The following CRPPA variants were observed in gnomAD, a reference collection of about 807,000 sequenced individuals.
CRPPA encodes the protein CDP-L-ribitol pyrophosphorylase A.
In CRPPA, 43 loss-of-function variants were observed where a neutral mutation model predicts 52.0. The ratio of observed to expected loss-of-function variants is 0.83; its 90% CI spans 0.65 to 1.07. CRPPA has a LOEUF of 1.07. Among genes scored for constraint, CRPPA ranks in the 50% least tolerant of loss-of-function variants. The pLI is 0.00. For synonymous variants in CRPPA, 250 were observed against 203.5 expected (o/e 1.23, Z -1.94); for missense variants, 629 against 551.7 (o/e 1.14, Z -1.40).
intron 9 of CRPPA, among the ~76,000 whole-genome samples, chr7:16,196,073 T>C (rs551208013): frequency 1.3e-5 from 2 of 152,182 alleles, no homozygotes; most frequent in African/African-American, 4.8e-5. Flanking sequence ...ATTTTGTACA[T>C]GTATATATGT....
intron 3 of CRPPA, among the ~76,000 whole-genome samples, chr7:16,344,248 A>C (rs1263952014): frequency 6.6e-6 from 1 of 152,006 alleles, no homozygotes; most frequent in Non-Finnish European, 1.5e-5. Flanking sequence ...ACTGTCCTGC[A>C]GAAACCTAGA....
At chr7:16,386,463 G>T (rs1269937013) in intron 2 of CRPPA, among the ~76,000 whole-genome samples, 1 of 152,048 alleles carries the variant, frequency 6.6e-6, no homozygotes, top group Non-Finnish European at 1.5e-5. Context: ...TTGAGGATGG[G>T]GCCTTTGCCA....
chr7:16,196,505 T>C (rs1356991768), intron 9 of CRPPA, among the ~76,000 whole-genome samples: 1 of 152,206 alleles, frequency 6.6e-6, no homozygotes, highest in East Asian at 1.9e-4. Flanking sequence ...GAGGTTATCT[T>C]CGGCTAGGAT....
intron 9 of CRPPA, among the ~76,000 whole-genome samples, chr7:16,101,352 C>T (rs1342933814): frequency 6.6e-6 from 1 of 152,046 alleles, no homozygotes; most frequent in Admixed American, 6.6e-5. Flanking sequence ...AGTGATTCAA[C>T]TACTTCCTGG....
intron 9 of CRPPA, among the ~76,000 whole-genome samples, chr7:16,110,899 C>T (rs1782249235): frequency 6.6e-6 from 1 of 151,820 alleles, no homozygotes; most frequent in Admixed American, 6.6e-5. Flanking sequence ...TCAGATTGGA[C>T]TACATAAGTA....
chr7:16,420,909 A>G (rs1169013330), intron 1 of CRPPA, among the ~76,000 whole-genome samples, 157 bp downstream of exon 1: 1 of 152,056 alleles, frequency 6.6e-6, no homozygotes, highest in Non-Finnish European at 1.5e-5. Context: ...AGAACTTCCC[A>G]TCTCTGAAAT....
chr7:16,122,736 C>T (rs1186945469), intron 9 of CRPPA, among the ~76,000 whole-genome samples: 2 of 152,010 alleles, frequency 1.3e-5, no homozygotes, highest in Non-Finnish European at 2.9e-5. Flanking sequence ...TGCTATTATA[C>T]TCCTTTTTAA....
At chr7:16,399,259 CAT>C (rs1251129822) in intron 2 of CRPPA, among the ~76,000 whole-genome samples, 1 of 152,224 alleles carries the variant, frequency 6.6e-6, no homozygotes, top group Non-Finnish European at 1.5e-5. Context: ...ACAGGTCCAA[CAT>C]GTGACTGACA....
At chr7:16,229,023 G>A (rs1464219568) in intron 8 of CRPPA, among the ~76,000 whole-genome samples, 1 of 151,816 alleles carries the variant, frequency 6.6e-6, no homozygotes, top group Non-Finnish European at 1.5e-5. Flanking sequence ...CTTCTTACTT[G>A]ATCCCTTTGA....
intron 3 of CRPPA, among the ~76,000 whole-genome samples, chr7:16,371,624 G>C (rs1329325347): frequency 6.6e-6 from 1 of 151,266 alleles, no homozygotes; most frequent in Non-Finnish European, 1.5e-5. Context: ...AATCAGAAAA[G>C]TAATTCTGGC....
intron 6 of CRPPA, among the ~76,000 whole-genome samples, chr7:16,268,371 A>C (rs1294823189): frequency 6.6e-6 from 1 of 152,022 alleles, no homozygotes; most frequent in Non-Finnish European, 1.5e-5. Flanking sequence ...TAGTCTTTTA[A>C]AGAATATTCA....
chr7:16,319,669 G>A (rs1159475183), intron 3 of CRPPA, among the ~76,000 whole-genome samples: 10 of 152,124 alleles, frequency 6.6e-5, no homozygotes, highest in Non-Finnish European at 1.3e-4. Context: ...GCCAAGCCAC[G>A]AAGATAGCAG....
rs1164858538 is a variant in CRPPA, at chr7:16,089,396, A to G, written c.*2299T>C. On this transcript the variant is annotated 3_prime_UTR_variant, in exon 10 of 10. Coordinates refer to ENST00000407010, the MANE Select transcript of CRPPA (RefSeq NM_001101426.4). ...TACATATATACGTATATATGTATGT[A>G]CATAATGTGTATATATGTACGTACA... is the stretch of plus-strand genomic sequence containing the variant. The G allele has an allele frequency of 1.6e-5, 6 of 368,762 alleles. 1 individual carries two copies. The highest frequency in any genetic ancestry group is 1.3e-4 in the African/African-American group (6 of 46,624). The allele number at this position is 368,762 out of a possible 1,614,324, so 22.8% of individuals were successfully genotyped here.
At chr7:16,218,092 C>G (rs1478728172) in intron 8 of CRPPA, among the ~76,000 whole-genome samples, 1 of 152,126 alleles carries the variant, frequency 6.6e-6, no homozygotes, top group East Asian at 1.9e-4. Flanking sequence ...CAGCAGATCT[C>G]TCCGCAGAAA....
intron 5 of CRPPA, among the ~76,000 whole-genome samples, chr7:16,283,217 T>C (rs944873057): frequency 2.1e-4 from 31 of 151,102 alleles, no homozygotes; most frequent in African/African-American, 7.5e-4. Flanking sequence ...TTATATTTTA[T>C]ATATGTATAA....
chr7:16,353,389 A>G (rs147783711), intron 3 of CRPPA, among the ~76,000 whole-genome samples: 4 of 152,104 alleles, frequency 2.6e-5, no homozygotes, highest in African/African-American at 9.6e-5. Context: ...AGTCAAATTC[A>G]TGGAAGCAGA....
intron 3 of CRPPA, among the ~76,000 whole-genome samples, chr7:16,315,313 T>C (rs1485827182): frequency 6.6e-6 from 1 of 152,190 alleles, no homozygotes; most frequent in Non-Finnish European, 1.5e-5. Context: ...TTAATCATAG[T>C]TGTTTTAAAT....
At chr7:16,188,673 T>A (rs1781551722) in intron 9 of CRPPA, among the ~76,000 whole-genome samples, 1 of 152,146 alleles carries the variant, frequency 6.6e-6, no homozygotes, top group Admixed American at 6.6e-5. Context: ...AGAAGTCAGT[T>A]CATTTCAGGA....
At chr7:16,308,729 G>A in intron 3 of CRPPA, 102 bp from the exon 4 acceptor site, 1 of 717,406 alleles carries the variant, frequency 1.4e-6, no homozygotes, top group Non-Finnish European at 2.4e-6. Flanking sequence ...GAAGGGCCTA[G>A]GGGGCTCAAA....
Sources: allele counts gnomAD v4.1 joint callset (sites outside exome capture counted in the v4.1 genomes callset), GRCh38; gene constraint gnomAD v4.1.1; transcripts MANE v1.5; gene names NCBI Gene and HGNC (gene_info 2026-07-23, HGNC 2026-07-21).